The following HS3ST4 variants were observed in gnomAD, a reference collection of about 807,000 sequenced individuals.
The protein encoded by HS3ST4 is heparan sulfate glucosamine 3-O-sulfotransferase 4.
Under a neutral mutation model 29.2 loss-of-function variants are expected in HS3ST4, and 17 were observed. The ratio of observed to expected loss-of-function variants is 0.58; its 90% confidence interval spans 0.40 to 0.87. HS3ST4 has a LOEUF of 0.87. Among genes scored for constraint, HS3ST4 ranks in the 40% least tolerant of loss-of-function variants. HS3ST4 has a pLI of 0.00. For synonymous variants in HS3ST4, 314 were observed against 285.7 expected, an observed-to-expected ratio of 1.10 and a Z score of -1.00; for missense variants, 627 against 634.5, an observed-to-expected ratio of 0.99 and a Z score of 0.13.
At chr16:26,131,156 C>T (rs1484110060) in intron 1 of HS3ST4, among the ~76,000 whole-genome samples, 3 of 152,188 alleles carry the variant, frequency 2.0e-5, no homozygotes, top group African/African-American at 7.2e-5. Flanking sequence ...TTCTGTGTTG[C>T]CCTCTCCACC....
At chr16:25,828,301 C>CTTTCTTT (rs1555467593) in intron 1 of HS3ST4, among the ~76,000 whole-genome samples, 5 of 32,882 alleles carry the variant, frequency 1.5e-4, no homozygotes, top group Admixed American at 3.7e-4. Flanking sequence ...TCTTTCTTTC[C>CTTTCTTT]CTCTCTCTCT....
At chr16:25,927,706 T>TC (rs1216456119) in intron 1 of HS3ST4, among the ~76,000 whole-genome samples, 3 of 151,282 alleles carry the variant, frequency 2.0e-5, no homozygotes, top group African/African-American at 7.3e-5. Flanking sequence ...TTTTTTTTTT[T>TC]CCCCGATTTT....
At chr16:26,043,104 T>C (rs139355640) in intron 1 of HS3ST4, among the ~76,000 whole-genome samples, 1 of 152,164 alleles carries the variant, frequency 6.6e-6, no homozygotes, top group Admixed American at 6.5e-5. Context: ...GTTCTCAATA[T>C]CTATATACCT....
intron 1 of HS3ST4, among the ~76,000 whole-genome samples, chr16:25,767,689 C>T (rs1384966372): frequency 6.6e-6 from 1 of 152,128 alleles, no homozygotes; most frequent in African/African-American, 2.4e-5. Flanking sequence ...TTATGGGATA[C>T]TGATAACTTC....
intron 1 of HS3ST4, among the ~76,000 whole-genome samples, chr16:25,985,093 C>T (rs1025015028): frequency 6.6e-6 from 1 of 152,244 alleles, no homozygotes; most frequent in African/African-American, 2.4e-5. Context: ...TCACCAATTA[C>T]TAATTTTACA....
chr16:26,093,032 G>A (rs548643851), intron 1 of HS3ST4, among the ~76,000 whole-genome samples: 102 of 152,310 alleles, frequency 6.7e-4, no homozygotes, highest in African/African-American at 2.2e-3. Context: ...CAGCCTGGCC[G>A]GGAGAGGGGT....
rs59789484 is a variant in HS3ST4 at position 25,793,924 on chromosome 16, C to A, written c.734+100773C>A. On this transcript the variant is annotated intron_variant, in intron 1 of 1. Transcript: ENST00000331351. ...TTTTTAGATTTTTAGTTTTCCATGT[C>A]TTCCTGTATCACATTTTCTAGGATT... is the stretch of plus-strand genomic sequence containing the variant. Among the ~76,000 whole-genome samples the A allele has an allele frequency of 1.6e-3, 241 of 151,660 alleles. 1 individual carries two copies. The highest frequency in any genetic ancestry group is 5.0e-3 in the African/African-American group (208 of 41,398).
At chr16:25,966,819 G>A (rs1236198504) in intron 1 of HS3ST4, among the ~76,000 whole-genome samples, 1 of 152,198 alleles carries the variant, frequency 6.6e-6, no homozygotes, top group Non-Finnish European at 1.5e-5. Context: ...GTAGGGCCCT[G>A]TAGAAGCAGC....
At chr16:25,704,879 CAA>C (rs775823722) in intron 1 of HS3ST4, among the ~76,000 whole-genome samples, 24 of 122,494 alleles carry the variant, frequency 2.0e-4, no homozygotes, top group Middle Eastern at 8.7e-3. Flanking sequence ...AACTCCATCT[CAA>C]AAAAAAAAAA....
chr16:25,983,928 GTTTATT>G (rs1969035825), intron 1 of HS3ST4, among the ~76,000 whole-genome samples: 1 of 151,852 alleles, frequency 6.6e-6, no homozygotes, highest in Admixed American at 6.6e-5. Context: ...GTCTATTTCA[GTTTATT>G]TTTATTTTTA....
chr16:25,920,268 C>T (rs899367438), intron 1 of HS3ST4, among the ~76,000 whole-genome samples: 1 of 152,122 alleles, frequency 6.6e-6, no homozygotes. Context: ...ATCAATAGAT[C>T]GATCCCTTAC....
At chr16:25,863,076 A>C (rs1197493271) in intron 1 of HS3ST4, among the ~76,000 whole-genome samples, 1 of 152,186 alleles carries the variant, frequency 6.6e-6, no homozygotes, top group South Asian at 2.1e-4. Context: ...TGTATGATCC[A>C]GTAGTTAACT....
chr16:25,701,039 C>G (rs1466862864), intron 1 of HS3ST4, among the ~76,000 whole-genome samples: 1 of 152,080 alleles, frequency 6.6e-6, no homozygotes, highest in Non-Finnish European at 1.5e-5. Flanking sequence ...CTGGGGATAA[C>G]TTGGTTTCAG....
In HS3ST4 at chr16:25,981,408, G is replaced by A. The variant is rs1191169801; in HGVS notation, c.735-154204G>A. Among the ~76,000 whole-genome samples, 4 of 151,926 alleles carry A rather than the reference G, an allele frequency of 2.6e-5. No individual in the cohort carries two copies. In the South Asian group the frequency reaches 6.2e-4, roughly 24 times the overall value. ...TGGTTGGTTTCCATATGAAAGGTGCGAGTTATTTGCTCTCTTTAGGAACTA... is the reference window on the plus strand; with the variant it reads ...TGGTTGGTTTCCATATGAAAGGTGCAAGTTATTTGCTCTCTTTAGGAACTA... On this transcript the variant is annotated intron_variant, in intron 1 of 1. Coordinates refer to ENST00000331351, the MANE Select transcript of HS3ST4 (RefSeq NM_006040.3).
chr16:25,816,032 T>C (rs1161576670), intron 1 of HS3ST4, among the ~76,000 whole-genome samples: 1 of 152,234 alleles, frequency 6.6e-6, no homozygotes, highest in Admixed American at 6.5e-5. Context: ...ATCTTATGTT[T>C]GCTTGCTTTT....
At chr16:26,014,287 TAAC>T (rs1271991111) in intron 1 of HS3ST4, among the ~76,000 whole-genome samples, 2 of 152,194 alleles carry the variant, frequency 1.3e-5, no homozygotes, top group Non-Finnish European at 2.9e-5. Context: ...CATGAATACT[TAAC>T]AAATGAATGA....
chr16:25,960,892 T>C (rs1968787385), intron 1 of HS3ST4, among the ~76,000 whole-genome samples: 1 of 152,130 alleles, frequency 6.6e-6, no homozygotes, highest in Admixed American at 6.6e-5. Flanking sequence ...TGGGTAGAAA[T>C]TGCTAACTGG....
chr16:25,861,995 G>A (rs1967641733), intron 1 of HS3ST4, among the ~76,000 whole-genome samples: 1 of 152,006 alleles, frequency 6.6e-6, no homozygotes, highest in South Asian at 2.1e-4. Flanking sequence ...GGTTTCTCTT[G>A]TGGAAGACAG....
chr16:25,951,045 A>T (rs1252004348), intron 1 of HS3ST4, among the ~76,000 whole-genome samples: 1 of 152,160 alleles, frequency 6.6e-6, no homozygotes, highest in Non-Finnish European at 1.5e-5. Flanking sequence ...ATCCAGGTGC[A>T]CCCCACTGGG....
Sources: allele counts gnomAD v4.1 joint callset (sites outside exome capture counted in the v4.1 genomes callset), GRCh38; gene constraint gnomAD v4.1.1; transcripts MANE v1.5; gene names NCBI Gene and HGNC (gene_info 2026-07-23, HGNC 2026-07-21).